The following SEMA6D variants were observed in gnomAD, a reference collection of about 807,000 sequenced individuals.
The protein encoded by SEMA6D is semaphorin 6D, also known as semaphorin-6D.
A neutral mutation model predicts 106.6 loss-of-function variants in SEMA6D; 35 were observed. That is an observed-to-expected ratio of 0.33 (90% CI 0.25 to 0.44). SEMA6D has a LOEUF of 0.44. SEMA6D is among the 20% of genes least tolerant of loss of function. SEMA6D has a pLI of 1.00. For synonymous variants in SEMA6D, 499 were observed against 487.7 expected, an observed-to-expected ratio of 1.02 and a Z score of -0.31; for missense variants, 1,185 against 1,345.9, an observed-to-expected ratio of 0.88 and a Z score of 1.87.
At chr15:47,522,287 A>T (rs1443785386) in intron 3 of SEMA6D, among the ~76,000 whole-genome samples, 1 of 152,206 alleles carries the variant, frequency 6.6e-6, no homozygotes, top group Non-Finnish European at 1.5e-5. Context: ...AAGAACATAA[A>T]TCTATACAAG....
In SEMA6D at chr15:47,765,938, A is replaced by G. The variant is rs1220915517; in HGVS notation, c.1497A>G (p.Leu499=). 6.3e-7 allele frequency: 1 copy of G among 1,583,640 alleles called. No individual in the cohort carries two copies. Among genetic ancestry groups the G allele is most frequent in the Non-Finnish European group, 8.6e-7 (1 of 1,165,634 alleles). ...AGTTGGATAAAGATCACCACGCTTT[A>G]TATGTGGCGTTCTCTAGCTGCATTA... ...SLQLDKDHHA[L]YVAFSSCIIR... The change falls in exon 14 of 19, where the codon TTA becomes TTG. Residue 499 remains leucine (L), a synonymous_variant. Transcript: ENST00000536845.
intron 1 of SEMA6D, among the ~76,000 whole-genome samples, chr15:47,408,500 C>T (rs527688084): frequency 6.6e-6 from 1 of 152,282 alleles, no homozygotes; most frequent in African/African-American, 2.4e-5. Context: ...AACTAAATAA[C>T]TTATAATGCT....
chr15:47,720,172 T>C (rs2079331945), intron 1 of SEMA6D, among the ~76,000 whole-genome samples: 1 of 152,152 alleles, frequency 6.6e-6, no homozygotes, highest in Non-Finnish European at 1.5e-5. Context: ...TTTTGTTAGA[T>C]TAACAACTAG....
chr15:47,325,519 C>T (rs1418277427), intron 1 of SEMA6D, among the ~76,000 whole-genome samples: 2 of 152,220 alleles, frequency 1.3e-5, no homozygotes, highest in Non-Finnish European at 2.9e-5. Context: ...TTTCCTTTCA[C>T]ATATTGTAAT....
At chr15:47,226,653 A>C in intron 1 of SEMA6D, among the ~76,000 whole-genome samples, 1 of 152,158 alleles carries the variant, frequency 6.6e-6, no homozygotes, top group East Asian at 1.9e-4. Context: ...GGAAGGTACC[A>C]ATCACTGATA....
At chr15:47,374,540 C>T (rs1318329556) in intron 1 of SEMA6D, among the ~76,000 whole-genome samples, 2 of 152,148 alleles carry the variant, frequency 1.3e-5, no homozygotes, top group Admixed American at 1.3e-4. Context: ...GCAGAGCTCT[C>T]TATTTCCTCC....
intron 1 of SEMA6D, among the ~76,000 whole-genome samples, chr15:47,371,200 G>A (rs2039260609): frequency 6.6e-6 from 1 of 152,158 alleles, no homozygotes; most frequent in African/African-American, 2.4e-5. Context: ...GCTTAGGATG[G>A]CATTTTGGAG....
intron 4 of SEMA6D, among the ~76,000 whole-genome samples, chr15:47,709,696 G>A (rs1315207051): frequency 2.6e-5 from 4 of 152,098 alleles, no homozygotes; most frequent in Admixed American, 6.6e-5. Flanking sequence ...GGAACTCACC[G>A]TCTCTTAGAG....
At chr15:47,426,121 A>G (rs2041329629) in intron 2 of SEMA6D, among the ~76,000 whole-genome samples, 1 of 152,148 alleles carries the variant, frequency 6.6e-6, no homozygotes, top group African/African-American at 2.4e-5. Flanking sequence ...AAATTCTACA[A>G]AAATATACAC....
At chr15:47,746,817 G>C (rs995055876) in intron 1 of SEMA6D, among the ~76,000 whole-genome samples, 2 of 152,056 alleles carry the variant, frequency 1.3e-5, no homozygotes, top group South Asian at 4.1e-4. Flanking sequence ...AGGCTGAAGG[G>C]GAGGAGCCCA....
At chr15:47,636,718 C>T (rs79515938) in intron 4 of SEMA6D, among the ~76,000 whole-genome samples, 2,634 of 152,242 alleles carry the variant, frequency 0.017, 77 homozygotes, top group African/African-American at 0.061. Flanking sequence ...ACTGTCCTAG[C>T]GTCCAAGGGA....
chr15:47,265,627 A>T (rs993294), intron 1 of SEMA6D, among the ~76,000 whole-genome samples: 149,201 of 152,044 alleles, frequency 0.98, 73,274 homozygotes, highest in Middle Eastern at 1. Context: ...TATTTTTCTT[A>T]GTATTTTTTT....
chr15:47,442,741 A>G (rs1204873133), intron 2 of SEMA6D, among the ~76,000 whole-genome samples: 1 of 152,134 alleles, frequency 6.6e-6, no homozygotes. Flanking sequence ...TGCATTTGCC[A>G]TGGTCTTTCT....
chr15:47,198,567 C>T (rs1221307028), intron 1 of SEMA6D, among the ~76,000 whole-genome samples: 3 of 152,136 alleles, frequency 2.0e-5, no homozygotes, highest in Non-Finnish European at 4.4e-5. Flanking sequence ...TCCTCCTCTG[C>T]TTAGAAGGGC....
At chr15:47,693,256 A>G (rs944616261) in intron 4 of SEMA6D, among the ~76,000 whole-genome samples, 3 of 152,158 alleles carry the variant, frequency 2.0e-5, no homozygotes, top group African/African-American at 7.2e-5. Context: ...TACAAGTCCA[A>G]GGGAGAGCCC....
intron 1 of SEMA6D, among the ~76,000 whole-genome samples, chr15:47,308,417 C>A (rs2143011420): frequency 6.6e-6 from 1 of 152,298 alleles, no homozygotes; most frequent in Non-Finnish European, 1.5e-5. Context: ...AACATTAAGG[C>A]ATTACCCTTC....
Position 47,771,794 on chromosome 15 carries a change from T to C in SEMA6D, c.*9T>C, listed in dbSNP as rs1254374271. The C allele has an allele frequency of 5.6e-6, 9 of 1,606,940 alleles. No individual in the cohort carries two copies. Among genetic ancestry groups the C allele is most frequent in the South Asian group, 3.3e-5 (3 of 89,918 alleles). The stretch of plus-strand genomic sequence containing the variant: ...ACAAATACACATACTAGGCCTCAAG[T>C]GTGCTATTCCCATGTGGCTTTATCC... On this transcript the variant is annotated 3_prime_UTR_variant, in exon 19 of 19. Coordinates refer to ENST00000536845, the MANE Select transcript of SEMA6D (RefSeq NM_001358351.3).
At chr15:47,665,050 T>C (rs2077998174) in intron 4 of SEMA6D, among the ~76,000 whole-genome samples, 1 of 152,160 alleles carries the variant, frequency 6.6e-6, no homozygotes, top group African/African-American at 2.4e-5. Context: ...TCTTTTATAT[T>C]TCAGAGGCTC....
chr15:47,436,768 A>AAAAAAATATATATAT (rs1302309417), intron 2 of SEMA6D, among the ~76,000 whole-genome samples: 1 of 125,402 alleles, frequency 8.0e-6, no homozygotes, highest in African/African-American at 3.0e-5. Context: ...TAAAAAAAAA[A>AAAAAAATATATATAT]ATATATATAT....
Sources: allele counts gnomAD v4.1 joint callset (sites outside exome capture counted in the v4.1 genomes callset), GRCh38; gene constraint gnomAD v4.1.1; transcripts MANE v1.5; gene names NCBI Gene and HGNC (gene_info 2026-07-23, HGNC 2026-07-21).